Variants in CSMD1 observed in about 807,000 individuals in gnomAD.
CSMD1 encodes CUB and sushi domain-containing protein 1.
Under a neutral mutation model 417.5 loss-of-function variants are expected in CSMD1, and 213 were observed. The ratio of observed to expected loss-of-function variants is 0.51; its 90% CI spans 0.46 to 0.57. CSMD1 has a LOEUF of 0.57. Ranked by LOEUF, CSMD1 falls within the 20% of genes least tolerant of loss-of-function variation. CSMD1 has a pLI of 0.00. For missense variants in CSMD1, 6,923 were observed against 4,529.7 expected, an observed-to-expected ratio of 1.53 and a Z score of -15.17; for synonymous variants, 2,862 against 1,736.8, an observed-to-expected ratio of 1.65 and a Z score of -16.11.
chr8:4,234,097 G>C (rs377673386), intron 3 of CSMD1, among the ~76,000 whole-genome samples: 2 of 152,238 alleles, frequency 1.3e-5, no homozygotes, highest in South Asian at 4.1e-4. Flanking sequence ...ACCTACACAA[G>C]TACATCAAGT....
intron 3 of CSMD1, among the ~76,000 whole-genome samples, chr8:4,356,618 C>T (rs1232980458): frequency 6.6e-6 from 1 of 152,160 alleles, no homozygotes; most frequent in Admixed American, 6.5e-5. Flanking sequence ...GCTGTTTTCA[C>T]TGTGTCTGCT....
intron 5 of CSMD1, among the ~76,000 whole-genome samples, chr8:3,971,070 A>C (rs376986832): frequency 6.6e-6 from 1 of 152,074 alleles, no homozygotes; most frequent in East Asian, 1.9e-4. Flanking sequence ...TCTTAATACA[A>C]ATGGGGGAGC....
chr8:3,614,560 C>T (rs1679764654), intron 8 of CSMD1, among the ~76,000 whole-genome samples: 1 of 152,146 alleles, frequency 6.6e-6, no homozygotes, highest in African/African-American at 2.4e-5. Flanking sequence ...AAAGCTTAAG[C>T]ATTTCCTCTG....
intron 3 of CSMD1, among the ~76,000 whole-genome samples, chr8:4,236,158 T>C (rs920007181): frequency 6.6e-6 from 1 of 151,222 alleles, no homozygotes; most frequent in African/African-American, 2.4e-5. Context: ...AGTAAGGTCT[T>C]CGATCAGGAA....
chr8:4,255,094 C>G (rs1445846076), intron 3 of CSMD1, among the ~76,000 whole-genome samples: 1 of 152,086 alleles, frequency 6.6e-6, no homozygotes, highest in South Asian at 2.1e-4. Context: ...TGGTTTAACC[C>G]CTCGGTCTCT....
chr8:4,619,708 G>A (rs74380482), intron 2 of CSMD1, among the ~76,000 whole-genome samples: 1 of 152,052 alleles, frequency 6.6e-6, no homozygotes, highest in Non-Finnish European at 1.5e-5. Context: ...AGCTATTGTT[G>A]ACCTGATTTA....
intron 3 of CSMD1, among the ~76,000 whole-genome samples, chr8:4,143,569 C>A (rs1453250595): frequency 6.6e-6 from 1 of 150,858 alleles, no homozygotes; most frequent in Non-Finnish European, 1.5e-5. Context: ...TTAGATATGA[C>A]CCACAGTTGT....
chr8:2,989,419 C>G (rs629597), intron 54 of CSMD1, among the ~76,000 whole-genome samples: 24,136 of 152,174 alleles, frequency 0.16, 3,490 homozygotes, highest in African/African-American at 0.39. Flanking sequence ...ATGATCCAGG[C>G]ACTTCTAATC....
chr8:4,360,679 G>C (rs13258920), intron 3 of CSMD1, among the ~76,000 whole-genome samples: 27,691 of 151,774 alleles, frequency 0.18, 2,905 homozygotes, highest in Admixed American at 0.26. Flanking sequence ...TTTTTTAGTG[G>C]ACACAGGGTT....
chr8:4,112,243 G>C (rs747414224), intron 3 of CSMD1, among the ~76,000 whole-genome samples: 1 of 152,102 alleles, frequency 6.6e-6, no homozygotes, highest in Non-Finnish European at 1.5e-5. Context: ...CACCTCCTGA[G>C]GTTCTTAGAA....
chr8:4,753,386 C>G (rs1233765690), intron 1 of CSMD1, among the ~76,000 whole-genome samples: 1 of 148,642 alleles, frequency 6.7e-6, no homozygotes, highest in Non-Finnish European at 1.5e-5. Flanking sequence ...TGTCTCTTCC[C>G]TACTTTCCAC....
At chr8:3,343,753 G>C (rs190416321) in intron 22 of CSMD1, among the ~76,000 whole-genome samples, 1 of 151,992 alleles carries the variant, frequency 6.6e-6, no homozygotes, top group Non-Finnish European at 1.5e-5. Flanking sequence ...ACATTTCCAG[G>C]TTTCATTATC....
intron 5 of CSMD1, among the ~76,000 whole-genome samples, chr8:3,821,848 G>A (rs1222689162): frequency 6.6e-6 from 1 of 152,092 alleles, no homozygotes; most frequent in African/African-American, 2.4e-5. Context: ...GTTAGTCATG[G>A]CAAGGAATAT....
At chr8:2,949,892 G>A (rs28582421) in intron 67 of CSMD1, among the ~76,000 whole-genome samples, 5,427 of 152,112 alleles carry the variant, frequency 0.036, 344 homozygotes, top group African/African-American at 0.13. Flanking sequence ...AACGAGCAGC[G>A]TGGTTATCAA....
chr8:4,680,677 T>A (rs2130975618), intron 1 of CSMD1, among the ~76,000 whole-genome samples: 1 of 152,204 alleles, frequency 6.6e-6, no homozygotes, highest in South Asian at 2.1e-4. Flanking sequence ...CCTCCCAGGT[T>A]CAAGTGACTC....
intron 1 of CSMD1, among the ~76,000 whole-genome samples, chr8:4,854,299 G>A (rs570506794): frequency 6.6e-6 from 1 of 152,278 alleles, no homozygotes; most frequent in Non-Finnish European, 1.5e-5. Context: ...GGTAGGAGGT[G>A]TTGGGTTGCC....
chr8:4,261,783 G>C (rs142510451), intron 3 of CSMD1, among the ~76,000 whole-genome samples: 8 of 152,018 alleles, frequency 5.3e-5, no homozygotes, highest in Non-Finnish European at 1.0e-4. Context: ...ATGTTAATTA[G>C]TTTGATAATG....
rs1395753071 is a variant in CSMD1, at chr8:4,266,880, G to A, written c.415+153073C>T. ...ATATTTGAAAACATATTAATTCAAC[G>A]TGTTAAGATGGAAGAAGAAACAAAC... On this transcript the variant is annotated intron_variant, in intron 3 of 69. Coordinates refer to ENST00000635120, the MANE Select transcript of CSMD1 (RefSeq NM_033225.6). Among the ~76,000 whole-genome samples the A allele has an allele frequency of 1.3e-4, 14 of 104,024 alleles. 2 individuals are homozygous for A. Among genetic ancestry groups the A allele is most frequent in the African/African-American group, 3.1e-4 (12 of 38,252 alleles). 68.2% of individuals were successfully genotyped at this position (104,024 alleles called of 152,430 possible).
rs2406708 is a variant in CSMD1, at chr8:4,541,085, C to G, written c.302+96257G>C. Among the ~76,000 whole-genome samples, 937 of 152,238 alleles carry G rather than the reference C, an allele frequency of 6.2e-3. 10 individuals carry two copies. The highest frequency in any genetic ancestry group is 0.021 in the African/African-American group (892 of 41,536). ...CTCTAAGGACATTTTTGTGTTTCCC[C>G]AAAATGCTATTGTCTGGAGAGTTGA... On this transcript the variant is annotated intron_variant, in intron 2 of 69. Coordinates refer to ENST00000635120, the MANE Select transcript of CSMD1 (RefSeq NM_033225.6).
Sources: allele counts gnomAD v4.1 joint callset (sites outside exome capture counted in the v4.1 genomes callset), GRCh38; gene constraint gnomAD v4.1.1; transcripts MANE v1.5; gene names NCBI Gene and HGNC (gene_info 2026-07-23, HGNC 2026-07-21).